The following SLC52A1 variants were observed in gnomAD, a reference collection of about 807,000 sequenced individuals.
SLC52A1 encodes solute carrier family 52, riboflavin transporter, member 1.
A neutral mutation model predicts 23.2 loss-of-function variants in SLC52A1; 20 were observed. The observed-to-expected ratio is 0.86, with a 90% CI of 0.61 to 1.25. SLC52A1 has a LOEUF of 1.25. Ranked by LOEUF, SLC52A1 falls within the 50% of genes most tolerant of loss-of-function variation. SLC52A1 has a pLI of 0.00. For missense variants in SLC52A1, 528 were observed against 557.0 expected, an observed-to-expected ratio of 0.95 and a Z score of 0.52; for synonymous variants, 260 against 256.6, an observed-to-expected ratio of 1.01 and a Z score of -0.13.
chr17:5,034,363 A>T lies in SLC52A1; in HGVS notation c.131-5T>A, dbSNP rs1483881818. ...GGTATGAGGGGAGGCTCCAACCTGC[A>T]GGGAAGGAATGATGCCATGTCAGGA... On this transcript the variant is annotated splice_polypyrimidine_tract_variant and splice_region_variant and intron_variant, in intron 2 of 4. Transcript: ENST00000254853. 6.3e-7 allele frequency: 1 copy of T among 1,581,872 alleles called. No individual in the cohort carries two copies. The highest frequency in any genetic ancestry group is 8.6e-7 in the Non-Finnish European group (1 of 1,163,334).
upstream of SLC52A1, among the ~76,000 whole-genome samples, chr17:5,035,902 T>G (rs11871654): frequency 9.6e-6 from 1 of 104,008 alleles, no homozygotes. Context: ...TTTTTTTTGG[T>G]AGAGACAAGG....
chr17:5,041,712 C>G (rs1975547243), intron 1 of SLC52A1, among the ~76,000 whole-genome samples: 2 of 152,070 alleles, frequency 1.3e-5, no homozygotes, highest in Admixed American at 1.3e-4. Flanking sequence ...CTCCTGACCT[C>G]AGGTGATCCA....
At chr17:5,039,948 G>A (rs551428154), upstream of SLC52A1, among the ~76,000 whole-genome samples, 7 of 152,172 alleles carry the variant, frequency 4.6e-5, no homozygotes, top group Non-Finnish European at 8.8e-5. Context: ...GAGAGGCCGC[G>A]ACAGGAGAGG....
rs1340626423 is a variant in SLC52A1 at position 5,034,877 on chromosome 17, TGCGTTTGGG to T, written c.-133_-125del. 1 of 366,384 alleles carries T rather than the reference TGCGTTTGGG, an allele frequency of 2.7e-6. No individual in the cohort carries two copies. Among genetic ancestry groups the T allele is most frequent in the East Asian group, 5.0e-5 (1 of 20,132 alleles). 22.7% of individuals were successfully genotyped at this position (366,384 alleles called of 1,614,324 possible). On this transcript the variant is annotated 5_prime_UTR_variant, in exon 1 of 5. Coordinates refer to ENST00000254853, the MANE Select transcript of SLC52A1 (RefSeq NM_017986.4). ...AGGACTTACCACGGGGCACCGGCTG[TGCGTTTGGG>T]TACAGCGACCCAGCAGTGCCGGCAG...
At chr17:5,037,588 A>G (rs1008170545), upstream of SLC52A1, among the ~76,000 whole-genome samples, 1 of 152,120 alleles carries the variant, frequency 6.6e-6, no homozygotes, top group African/African-American at 2.4e-5. Context: ...AAGCCCATTC[A>G]TTTACCTATT....
At chr17:5,039,339 T>A (rs1401709964), upstream of SLC52A1, among the ~76,000 whole-genome samples, 1 of 150,538 alleles carries the variant, frequency 6.6e-6, no homozygotes, top group Non-Finnish European at 1.5e-5. Context: ...AAAAAAAAAA[T>A]TCAGTCACTT....
chr17:5,038,441 G>A (rs1324771989), upstream of SLC52A1, among the ~76,000 whole-genome samples: 1 of 152,000 alleles, frequency 6.6e-6, no homozygotes, highest in Non-Finnish European at 1.5e-5. Flanking sequence ...AGGTGACTCT[G>A]ATGTGCAACC....
upstream of SLC52A1, among the ~76,000 whole-genome samples, chr17:5,038,609 CAG>C (rs1484414067): frequency 6.6e-6 from 1 of 151,030 alleles, no homozygotes; most frequent in Non-Finnish European, 1.5e-5. Flanking sequence ...TTTTTCGAGA[CAG>C]AGTCTTGCTC....
chr17:5,034,436 C>T (rs769744185), intron 2 of SLC52A1, 41 bp downstream of exon 2: 2 of 1,612,638 alleles, frequency 1.2e-6, no homozygotes, highest in East Asian at 2.2e-5. Flanking sequence ...CCTTTCTGGG[C>T]ATACCTGCCC....
chr17:5,034,915 G>A lies in SLC52A1; in HGVS notation c.-162C>T, dbSNP rs1267593589. Reference sequence around the variant, plus strand: ...AGCGACCCAGCAGTGCCGGCAGGCAGACAGGCAGAAAGCTGGCCCGAGGTG... The same window carrying A: ...AGCGACCCAGCAGTGCCGGCAGGCAAACAGGCAGAAAGCTGGCCCGAGGTG... On this transcript the variant is annotated 5_prime_UTR_variant, in exon 1 of 5. Coordinates refer to ENST00000254853, the MANE Select transcript of SLC52A1 (RefSeq NM_017986.4). 2 of 293,942 alleles carry A rather than the reference G, an allele frequency of 6.8e-6. No individual in the cohort carries two copies. Among genetic ancestry groups the A allele is most frequent in the Admixed American group, 8.2e-5 (2 of 24,410 alleles). The allele number at this position is 293,942 out of a possible 1,614,324, so 18.2% of individuals were successfully genotyped here.
In SLC52A1 at chr17:5,034,497, A is replaced by G; in HGVS notation, c.110T>C (p.Val37Ala). 2 of 1,614,124 alleles carry G rather than the reference A, an allele frequency of 1.2e-6. No homozygotes were observed. The highest frequency in any genetic ancestry group is 1.7e-6 in the Non-Finnish European group (2 of 1,180,016). ...CTCACCCTCTGGAAGGTCTTTTACC[A>G]CCACAGGCAGCTCCACCCAGATCCC... Reference protein sequence around the residue: ...VNGIWVELPVVVKDLPEGWSL... With the variant: ...VNGIWVELPVAVKDLPEGWSL... Residue 37 changes from valine (V) to alanine (A), a missense_variant, in exon 2 of 5, where the codon GTG (valine) becomes GCG (alanine). Transcript: ENST00000254853.
upstream of SLC52A1, among the ~76,000 whole-genome samples, chr17:5,039,892 C>T (rs1234412443): frequency 6.6e-6 from 1 of 152,110 alleles, no homozygotes; most frequent in Non-Finnish European, 1.5e-5. Context: ...AAGAGATCAC[C>T]ATGTCCTTAG....
In SLC52A1 at chr17:5,033,461, C is replaced by T. The variant is rs1395665411; in HGVS notation, c.1010+18G>A. 1 of 1,608,222 alleles carries T rather than the reference C, an allele frequency of 6.2e-7. No homozygotes were observed. The highest frequency in any genetic ancestry group is 8.5e-7 in the Non-Finnish European group (1 of 1,177,142). ...CAACCTTAAGTTCCACCCACCAAGC[C>T]TGGGGACCCTTTTGCACCTGCACAG... On this transcript the variant is annotated intron_variant, in intron 3 of 4. Transcript: ENST00000254853.
intron 1 of SLC52A1, among the ~76,000 whole-genome samples, chr17:5,041,711 T>C (rs1008425976): frequency 2.6e-5 from 4 of 152,120 alleles, no homozygotes; most frequent in African/African-American, 9.7e-5. Flanking sequence ...ACTCCTGACC[T>C]CAGGTGATCC....
At position 5,032,964 on chromosome 17, in the gene SLC52A1, C is replaced by T. The variant is rs768096941; in HGVS notation, c.1340G>A (p.Gly447Asp). 2.5e-6 allele frequency: 4 copies of T among 1,612,862 alleles called. No individual in the cohort carries two copies. The highest frequency in any genetic ancestry group is 3.4e-6 in the Non-Finnish European group (4 of 1,179,362). Residue 447 changes from glycine (G) to aspartate (D), a missense_variant, in exon 5 of 5, where the codon GGC becomes GAC. Coordinates refer to ENST00000254853, the MANE Select transcript of SLC52A1 (RefSeq NM_017986.4). ...QSRKDCVDPC[G>D]P Reference sequence around the variant, plus strand: ...GTCCCCACCTGCCCAGGCTCAGGGGCCACAGGGGTCTACACAGTCCTTTCT... The same window carrying T: ...GTCCCCACCTGCCCAGGCTCAGGGGTCACAGGGGTCTACACAGTCCTTTCT...
rs746125689 is a variant in SLC52A1 at position 5,034,502 on chromosome 17, A to C, written c.105T>G (p.Pro35=). ...AAVNGIWVEL[P]VVVKDLPEGW... is the part of the protein sequence containing the mutation. ...CCTCTGGAAGGTCTTTTACCACCAC[A>C]GGCAGCTCCACCCAGATCCCGTTCA... is the stretch of plus-strand genomic sequence containing the variant. The change falls in exon 2 of 5, where the codon CCT becomes CCG. Residue 35 remains proline (P), a synonymous_variant. Coordinates refer to ENST00000254853, the MANE Select transcript of SLC52A1 (RefSeq NM_017986.4). The C allele has an allele frequency of 6.2e-7, 1 of 1,614,176 alleles. No individual in the cohort carries two copies. Among genetic ancestry groups the C allele is most frequent in the South Asian group, 1.1e-5 (1 of 91,080 alleles).
chr17:5,033,849 G>A lies in SLC52A1; in HGVS notation c.640C>T (p.Leu214Phe), dbSNP rs768357890. The A allele has an allele frequency of 1.9e-6, 3 of 1,614,134 alleles. No homozygotes were observed. The highest frequency in any genetic ancestry group is 2.5e-6 in the Non-Finnish European group (3 of 1,180,058). The change falls in exon 3 of 5, where the codon CTC (leucine) becomes TTC (phenylalanine). Residue 214 changes from leucine to phenylalanine, a missense_variant. Transcript: ENST00000254853. ...LVTSAAAFRG[L>F]LLLLPSLPSV... is the part of the protein sequence containing the mutation. ...GGTAGTGATGGCAACAGCAACAGGA[G>A]ACCCCGGAAGGCGGCAGCTGAAGTG...
At chr17:5,039,048 G>T (rs1420808293), upstream of SLC52A1, among the ~76,000 whole-genome samples, 1 of 78 alleles carries the variant, frequency 0.013, no homozygotes, top group Non-Finnish European at 0.028. Flanking sequence ...TCAGCCGGGC[G>T]CGGTGGCCTC....
intron 1 of SLC52A1, among the ~76,000 whole-genome samples, chr17:5,042,000 T>C (rs1041257306): frequency 6.6e-6 from 1 of 152,112 alleles, no homozygotes; most frequent in Non-Finnish European, 1.5e-5. Flanking sequence ...CCTCTCAAAG[T>C]GCTGGTATTA....
Sources: gnomAD v4.1 joint callset for allele counts (sites outside exome capture counted in the v4.1 genomes callset) on GRCh38, gnomAD v4.1.1 for gene constraint, MANE v1.5 for transcripts, NCBI Gene and HGNC (gene_info 2026-07-23, HGNC 2026-07-21) for gene names.